The following USP40 variants were observed in gnomAD, a reference collection of about 807,000 sequenced individuals.
USP40 encodes ubiquitin specific peptidase 40.
Under a neutral mutation model 166.2 loss-of-function variants are expected in USP40, and 143 were observed. That is an observed-to-expected ratio of 0.86 (90% CI 0.75 to 0.99). The LOEUF is 0.99. Ranked by LOEUF, USP40 falls within the 50% of genes least tolerant of loss-of-function variation. The probability of loss-of-function intolerance (pLI) is 0.00; values close to 1 mark genes in which losing one functional copy is unlikely to be tolerated. For missense variants in USP40, 1,444 were observed against 1,479.7 expected, an observed-to-expected ratio of 0.98 and a Z score of 0.40; for synonymous variants, 498 against 524.0, an observed-to-expected ratio of 0.95 and a Z score of 0.68.
At chr2:233,510,614 G>T (rs1174872042) in intron 20 of USP40, among the ~76,000 whole-genome samples, 1 of 151,802 alleles carries the variant, frequency 6.6e-6, no homozygotes, top group Non-Finnish European at 1.5e-5. Flanking sequence ...ATGTTGGCCA[G>T]GCTGGTGTTG....
Position 233,527,506 on chromosome 2 carries a change from A to G in USP40, c.1626T>C (p.Asn542=). ...LHLGPQYHFF[N]GALHPVVSQT... ...GAGAGACTACTGGGTGCAGAGCCCC[A>G]TTGAAGAAATGATACTGAGGGCCCA... The change falls in exon 13 of 32, where the codon AAT becomes AAC. Residue 542 remains asparagine, a synonymous_variant. Transcript: ENST00000678225. The G allele has an allele frequency of 6.2e-7, 1 of 1,613,762 alleles. No homozygotes were observed. Among genetic ancestry groups the G allele is most frequent in the Non-Finnish European group, 8.5e-7 (1 of 1,179,794 alleles).
chr2:233,514,077 T>C (rs1485207383), intron 18 of USP40, among the ~76,000 whole-genome samples: 2 of 152,256 alleles, frequency 1.3e-5, no homozygotes, highest in Non-Finnish European at 2.9e-5. Context: ...TTTAAAATAC[T>C]GTCTCTTTAA....
chr2:233,545,709 A>T (rs1175643550), intron 8 of USP40: 4 of 213,576 alleles, frequency 1.9e-5, no homozygotes, highest in Admixed American at 4.3e-5. Flanking sequence ...TACTCCTTAC[A>T]GGCAGTACCT....
chr2:233,543,525 A>G lies in USP40; in HGVS notation c.967-1162T>C, dbSNP rs576320816. On this transcript the variant is annotated intron_variant, in intron 8 of 31. Transcript: ENST00000678225. ...GTTGAAACCTAACCGCCAATGCAATAGTATTAAGAGGTGGGGTCTTCAGGA... is the reference window on the plus strand; with the variant it reads ...GTTGAAACCTAACCGCCAATGCAATGGTATTAAGAGGTGGGGTCTTCAGGA... Among the ~76,000 whole-genome samples the G allele has an allele frequency of 2.6e-5, 4 of 152,308 alleles. No individual in the cohort carries two copies. The South Asian group carries it at 8.3e-4, about 32-fold the overall frequency.
In USP40 at chr2:233,540,693, T is replaced by G; in HGVS notation, c.1139A>C (p.Lys380Thr). ...LKKIGISWNK[K>T]YRKQHGPLRK... ...CAGTGGTCCATGCTGTTTTCTGTACTTCTTGTTCCAAGATATTCCTATCTT... is the reference window on the plus strand; with the variant it reads ...CAGTGGTCCATGCTGTTTTCTGTACGTCTTGTTCCAAGATATTCCTATCTT... The change falls in exon 10 of 32, where the codon AAG (lysine) becomes ACG (threonine). Residue 380 changes from lysine to threonine, a missense_variant. Transcript: ENST00000678225. 6.2e-7 allele frequency: 1 copy of G among 1,612,884 alleles called. No individual in the cohort carries two copies. The highest frequency in any genetic ancestry group is 2.2e-5 in the East Asian group (1 of 44,802).
Position 233,477,357 on chromosome 2 carries a change from G to T in USP40, c.*35C>A, listed in dbSNP as rs780732343. Reference sequence around the variant, plus strand: ...ACCCACGTTTGTGGCATCAGCCGGAGAGTTCATCGGGAGTAGAGCCGTGCA... The same window carrying T: ...ACCCACGTTTGTGGCATCAGCCGGATAGTTCATCGGGAGTAGAGCCGTGCA... On this transcript the variant is annotated 3_prime_UTR_variant, in exon 32 of 32. Transcript: ENST00000678225. 3.1e-6 allele frequency: 5 copies of T among 1,598,060 alleles called. No individual in the cohort carries two copies. The highest frequency in any genetic ancestry group is 1.1e-5 in the South Asian group (1 of 90,138).
intron 10 of USP40, 60 bp downstream of exon 10, chr2:233,540,602 G>A: frequency 9.7e-7 from 1 of 1,028,680 alleles, no homozygotes; most frequent in Non-Finnish European, 1.5e-6. Context: ...AATTCATGTT[G>A]TTGCGATCAT....
intron 8 of USP40, among the ~76,000 whole-genome samples, chr2:233,543,045 C>G (rs1276274494): frequency 6.6e-6 from 1 of 152,208 alleles, no homozygotes. Flanking sequence ...AGGCCAGGCT[C>G]AGATTAAATA....
chr2:233,561,433 T>A (rs1183860726), intron 3 of USP40, among the ~76,000 whole-genome samples: 1 of 150,864 alleles, frequency 6.6e-6, no homozygotes, highest in African/African-American at 2.4e-5. Context: ...AACTATCTGA[T>A]CTTTGACAAA....
chr2:233,541,356 G>A (rs1246955868), intron 9 of USP40, among the ~76,000 whole-genome samples: 1 of 152,116 alleles, frequency 6.6e-6, no homozygotes, highest in Non-Finnish European at 1.5e-5. Flanking sequence ...AAATCTGATT[G>A]GCATTATCAT....
intron 10 of USP40, 49 bp downstream of exon 10, chr2:233,540,613 A>T (rs375019524): frequency 2.4e-5 from 28 of 1,172,906 alleles, no homozygotes; most frequent in Non-Finnish European, 3.3e-5. Flanking sequence ...TTGCGATCAT[A>T]ATGAAATTTC....
chr2:233,494,962 A>ATATATATTTT (rs2065641375), intron 24 of USP40, among the ~76,000 whole-genome samples: 1 of 71,400 alleles, frequency 1.4e-5, no homozygotes, highest in African/African-American at 6.9e-5. Context: ...ATATTTATAT[A>ATATATATTTT]TATATATATA....
chr2:233,506,652 T>C (rs962002469), intron 21 of USP40, among the ~76,000 whole-genome samples: 9 of 148,144 alleles, frequency 6.1e-5, no homozygotes, highest in Non-Finnish European at 1.3e-4. Flanking sequence ...ACCAGCACTT[T>C]GGGAGGCCGA....
chr2:233,542,530 A>G (rs998820262), intron 8 of USP40, 167 bp from the exon 9 acceptor site: 2 of 544,826 alleles, frequency 3.7e-6, no homozygotes, highest in Non-Finnish European at 6.5e-6. Flanking sequence ...GGCAACATAG[A>G]GAGACCAGCA....
intron 11 of USP40, among the ~76,000 whole-genome samples, chr2:233,530,402 T>C (rs2068428028): frequency 6.6e-6 from 1 of 152,228 alleles, no homozygotes; most frequent in Non-Finnish European, 1.5e-5. Context: ...ATTAAGGTGA[T>C]TTCCAATTAA....
chr2:233,518,305 G>A (rs1295992933), intron 18 of USP40, among the ~76,000 whole-genome samples: 3 of 132,748 alleles, frequency 2.3e-5, no homozygotes, highest in Non-Finnish European at 3.1e-5. Context: ...AGTGTCTCAT[G>A]CCTGTAATCC....
chr2:233,480,162 C>T lies in USP40; in HGVS notation c.3599+1041G>A, dbSNP rs181513536. ...CCACCTGGGACCTCTCTTCCCCAGA[C>T]GCCCCCAGTGGCAGAGGGCATGCAG... On this transcript the variant is annotated intron_variant, in intron 31 of 31. Transcript: ENST00000678225. The surrounding 1 kb of genome is among the most constrained non-coding windows in gnomAD (Gnocchi z 4.5). 9.2e-5 allele frequency among the ~76,000 whole-genome samples: 14 copies of T among 152,306 alleles called. No individual in the cohort carries two copies. The East Asian group carries it at 2.3e-3, about 25-fold the overall frequency.
rs112749578 is a variant in USP40, at chr2:233,495,850, T to C, written c.2790+908A>G. ...TTAAAGATCATTGTACAAAATATAA[T>C]AGAATTCTACAAAGTTACGAAAATG... On this transcript the variant is annotated intron_variant, in intron 24 of 31. Transcript: ENST00000678225. 6.9e-3 allele frequency among the ~76,000 whole-genome samples: 1,056 copies of C among 152,276 alleles called. 10 individuals are homozygous for C. The highest frequency in any genetic ancestry group is 0.024 in the African/African-American group (983 of 41,540).
rs1449824877 is a variant in USP40 at position 233,533,516 on chromosome 2, C to A, written c.1434G>T (p.Leu478Phe). The change falls in exon 11 of 32, where the codon TTG (leucine) becomes TTT (phenylalanine). Residue 478 changes from leucine (L) to phenylalanine (F), a missense_variant. Coordinates refer to ENST00000678225, the MANE Select transcript of USP40 (RefSeq NM_001365479.2). ...TCTGCAACTGGGATTTCCGATAAAACAACATGTAGGCACTTTCTTTACCCT... is the reference window on the plus strand; with the variant it reads ...TCTGCAACTGGGATTTCCGATAAAAAAACATGTAGGCACTTTCTTTACCCT... ...QFQGKESAYM[L>F]FYRKSQLQRP... is the part of the protein sequence containing the mutation. 1 of 1,613,678 alleles carries A rather than the reference C, an allele frequency of 6.2e-7. No homozygotes were observed. Among genetic ancestry groups the A allele is most frequent in the Admixed American group, 1.7e-5 (1 of 59,998 alleles).
Sources: gnomAD v4.1 joint callset for allele counts (sites outside exome capture counted in the v4.1 genomes callset) on GRCh38, gnomAD v4.1.1 for gene constraint, Gnocchi (gnomAD v3.1) non-coding constraint, MANE v1.5 for transcripts, NCBI Gene and HGNC (gene_info 2026-07-23, HGNC 2026-07-21) for gene names.